Variants in PREX1 observed in about 807,000 individuals in gnomAD.
The protein encoded by PREX1 is phosphatidylinositol-3,4,5-trisphosphate dependent Rac exchange factor 1, also known as phosphatidylinositol 3,4,5-trisphosphate-dependent Rac exchanger 1 protein.
Under a neutral mutation model 198.3 loss-of-function variants are expected in PREX1, and 41 were observed. The ratio of observed to expected loss-of-function variants is 0.21; its 90% CI spans 0.16 to 0.27. The LOEUF (loss-of-function observed/expected upper bound fraction) is 0.27. Among genes scored for constraint, PREX1 ranks in the 10% least tolerant of loss-of-function variants. The pLI, the probability that PREX1 is intolerant of heterozygous loss-of-function variation, is 1.00. For synonymous variants in PREX1, 843 were observed against 887.2 expected (o/e 0.95, Z 0.89); for missense variants, 1,620 against 2,200.7 (o/e 0.74, Z 5.28).
intron 14 of PREX1, among the ~76,000 whole-genome samples, chr20:48,672,937 T>C (rs1003013066): frequency 3.3e-5 from 5 of 152,174 alleles, no homozygotes; most frequent in Non-Finnish European, 7.3e-5. Context: ...ACGTAATATC[T>C]GGGAGAACAG....
At chr20:48,693,921 TA>T (rs1173446045) in intron 7 of PREX1, among the ~76,000 whole-genome samples, 1 of 151,608 alleles carries the variant, frequency 6.6e-6, no homozygotes, top group African/African-American at 2.4e-5. Context: ...TTTATTTATT[TA>T]TTTTTTTGAG....
the PREX1 span, among the ~76,000 whole-genome samples, chr20:48,854,136 G>A: frequency 1.3e-5 from 2 of 152,178 alleles, no homozygotes; most frequent in South Asian, 2.1e-4. Context: ...CACGCAGGCC[G>A]AGGGACAGGC....
the PREX1 span, among the ~76,000 whole-genome samples, chr20:48,858,903 T>G: frequency 6.6e-6 from 1 of 152,098 alleles, no homozygotes; most frequent in Non-Finnish European, 1.5e-5. Flanking sequence ...TTTATTTTAT[T>G]ATTTTATTTA....
chr20:48,636,380 G>C (rs1182165097), intron 32 of PREX1, 83 bp downstream of exon 32: 3 of 1,382,646 alleles, frequency 2.2e-6, no homozygotes, highest in Non-Finnish European at 2.9e-6. Context: ...GCCTGAGTAA[G>C]TGGGCAAGGG....
At chr20:48,629,226 G>A (rs994117298) in intron 37 of PREX1, among the ~76,000 whole-genome samples, 40 of 152,306 alleles carry the variant, frequency 2.6e-4, no homozygotes, top group Non-Finnish European at 1.5e-4. Flanking sequence ...TCACTACGGC[G>A]TTAGAGAAGC....
intron 1 of PREX1, among the ~76,000 whole-genome samples, chr20:48,770,182 A>G (rs1024614430): frequency 1.3e-5 from 2 of 152,242 alleles, no homozygotes; most frequent in African/African-American, 4.8e-5. Context: ...GGAAGCGGGC[A>G]TAAGAATTAC....
At chr20:48,773,328 C>G (rs894010443) in intron 1 of PREX1, among the ~76,000 whole-genome samples, 1 of 148,498 alleles carries the variant, frequency 6.7e-6, no homozygotes, top group African/African-American at 2.5e-5. Flanking sequence ...TTATTAAGTT[C>G]AAGCTTCTCA....
chr20:48,651,790 C>T (rs890353431), intron 21 of PREX1, among the ~76,000 whole-genome samples: 1 of 152,240 alleles, frequency 6.6e-6, no homozygotes, highest in African/African-American at 2.4e-5. Context: ...TCACACAAGC[C>T]ATCCAAGGCC....
At chr20:48,651,153 C>A in intron 22 of PREX1, 98 bp from the exon 23 acceptor site, 2 of 1,449,302 alleles carry the variant, frequency 1.4e-6, no homozygotes, top group Non-Finnish European at 1.9e-6. Flanking sequence ...TAATACCCCC[C>A]GGGAAGTCAG....
intron 3 of PREX1, among the ~76,000 whole-genome samples, chr20:48,744,474 G>A (rs900709884): frequency 6.6e-5 from 10 of 152,180 alleles, no homozygotes; most frequent in African/African-American, 2.4e-4. Context: ...CAGAAAAAGA[G>A]GGTATGGAAA....
In PREX1 at chr20:48,768,382, C is replaced by T. The variant is rs919374852; in HGVS notation, c.220-20502G>A. On this transcript the variant is annotated intron_variant, in intron 1 of 39. Transcript: ENST00000371941. ...AACACACGCAGCAAACTGGACGCAT[C>T]TCAAAAACATGGCCCAAGCGAAAGA... Among the ~76,000 whole-genome samples the T allele has an allele frequency of 5.9e-5, 9 of 152,298 alleles. No homozygotes were observed. The South Asian group carries it at 6.2e-4, about 11-fold the overall frequency.
intron 1 of PREX1, among the ~76,000 whole-genome samples, chr20:48,820,514 T>C (rs1000594897): frequency 6.6e-6 from 1 of 152,348 alleles, no homozygotes; most frequent in Non-Finnish European, 1.5e-5. Context: ...GCAAACCGTA[T>C]TATGCTACTT....
chr20:48,713,758 A>AG (rs11377333), intron 5 of PREX1, among the ~76,000 whole-genome samples: 46,532 of 150,236 alleles, frequency 0.31, 9,585 homozygotes, highest in African/African-American at 0.59. Flanking sequence ...AAAAAAAAAA[A>AG]AGAGAGAGAG....
At chr20:48,761,943 AG>A (rs1429026029) in intron 1 of PREX1, among the ~76,000 whole-genome samples, 1 of 152,222 alleles carries the variant, frequency 6.6e-6, no homozygotes, top group Non-Finnish European at 1.5e-5. Flanking sequence ...ACAAGGCTGC[AG>A]GTGCTGTAGA....
intron 1 of PREX1, among the ~76,000 whole-genome samples, chr20:48,779,233 C>T (rs146654382): frequency 7.9e-5 from 12 of 152,126 alleles, no homozygotes; most frequent in Admixed American, 4.6e-4. Flanking sequence ...TAAATATGCA[C>T]ATGAAAAGAT....
chr20:48,728,676 G>A (rs1004253987), intron 4 of PREX1, among the ~76,000 whole-genome samples: 8 of 152,190 alleles, frequency 5.3e-5, no homozygotes, highest in Non-Finnish European at 1.2e-4. Context: ...GCGCCTGGGG[G>A]TGGGGAAGTG....
intron 13 of PREX1, among the ~76,000 whole-genome samples, chr20:48,678,923 C>A (rs1471155506): frequency 6.6e-6 from 1 of 152,164 alleles, no homozygotes; most frequent in Non-Finnish European, 1.5e-5. Context: ...GCAGGGAAGA[C>A]CCCTGTGATA....
At chr20:48,863,418 T>C in the PREX1 span, among the ~76,000 whole-genome samples, 3 of 152,012 alleles carry the variant, frequency 2.0e-5, no homozygotes, top group Non-Finnish European at 4.4e-5. Flanking sequence ...TGCCCTAAAA[T>C]TCTCCTGTGC....
chr20:48,659,286 GAAGAA>G (rs377136014), intron 16 of PREX1, among the ~76,000 whole-genome samples: 17 of 131,252 alleles, frequency 1.3e-4, no homozygotes, highest in African/African-American at 4.5e-4. Flanking sequence ...GAGAGAGAAA[GAAGAA>G]AAGAAAACAA....
Sources: allele counts gnomAD v4.1 joint callset (sites outside exome capture counted in the v4.1 genomes callset), GRCh38; gene constraint gnomAD v4.1.1; transcripts MANE v1.5; gene names NCBI Gene and HGNC (gene_info 2026-07-23, HGNC 2026-07-21).